Variants in ATP6V1C1 observed in about 807,000 individuals in gnomAD.
ATP6V1C1 encodes the protein ATPase H+ transporting V1 subunit C1, also known as V-type proton ATPase subunit C 1.
In ATP6V1C1, 45 loss-of-function variants were observed where a neutral mutation model predicts 53.9. That is an observed-to-expected ratio of 0.83 (90% CI 0.66 to 1.07). The LOEUF (loss-of-function observed/expected upper bound fraction) is 1.07, where lower values mean the gene tolerates loss of function less well. Ranked by LOEUF, ATP6V1C1 falls within the 50% of genes least tolerant of loss-of-function variation. ATP6V1C1 has a pLI of 0.00. For missense variants in ATP6V1C1, 315 were observed against 440.3 expected (o/e 0.72, Z 2.55); for synonymous variants, 153 against 155.2 (o/e 0.99, Z 0.11).
chr8:103,059,436 T>C (rs568210870), intron 8 of ATP6V1C1, among the ~76,000 whole-genome samples: 2 of 152,280 alleles, frequency 1.3e-5, no homozygotes, highest in South Asian at 4.1e-4. Context: ...CTGTAGTATA[T>C]GGCAGCAACA....
At chr8:103,056,012 G>GT in intron 8 of ATP6V1C1, 76 bp downstream of exon 8, 1 of 1,406,784 alleles carries the variant, frequency 7.1e-7, no homozygotes, top group South Asian at 1.2e-5. Context: ...TAGGAAATAT[G>GT]TTTGCTGTCT....
Position 103,055,889 on chromosome 8 carries a change from T to C in ATP6V1C1, c.594T>C (p.Ile198=). 6.2e-7 allele frequency: 1 copy of C among 1,612,308 alleles called. No homozygotes were observed. Among genetic ancestry groups the C allele is most frequent in the African/African-American group, 1.3e-5 (1 of 74,974 alleles). The change falls in exon 8 of 13, where the codon ATT becomes ATC. Residue 198 remains isoleucine, a synonymous_variant. Transcript: ENST00000518738. ...VVPKLNHNDW[I]KQYETLAEMV... ...GCAGGTTAAACCACAACGACTGGAT[T>C]AAGCAGTATGAAACACTAGCCGAAA...
At chr8:103,034,815 C>T (rs1192682773) in intron 1 of ATP6V1C1, among the ~76,000 whole-genome samples, 19 of 152,124 alleles carry the variant, frequency 1.2e-4, no homozygotes, top group Non-Finnish European at 1.5e-5. Context: ...AGGTGATCTG[C>T]CTGCCTCAGC....
chr8:103,051,642 G>A (rs536561482), intron 5 of ATP6V1C1, among the ~76,000 whole-genome samples: 1 of 152,072 alleles, frequency 6.6e-6, no homozygotes, highest in Non-Finnish European at 1.5e-5. Context: ...TAGTTTCAGG[G>A]AGTACATGGA....
At chr8:103,052,707 T>G (rs1441160140) in intron 5 of ATP6V1C1, 24 bp from the exon 6 acceptor site, 16 of 1,506,134 alleles carry the variant, frequency 1.1e-5, no homozygotes, top group Non-Finnish European at 1.2e-5. Flanking sequence ...TTTTATCTAT[T>G]TTTCTTCTTT....
intron 3 of ATP6V1C1, among the ~76,000 whole-genome samples, chr8:103,044,802 A>G (rs1279696035): frequency 6.6e-6 from 1 of 151,808 alleles, no homozygotes; most frequent in South Asian, 2.1e-4. Context: ...TGTTGAATCT[A>G]TGTATCAGTT....
intron 1 of ATP6V1C1, among the ~76,000 whole-genome samples, chr8:103,026,066 C>T (rs1816689237): frequency 6.6e-6 from 1 of 152,180 alleles, no homozygotes; most frequent in South Asian, 2.1e-4. Context: ...ATTATTTGCC[C>T]ACTGGGTCAC....
chr8:103,026,930 G>A (rs932246506), intron 1 of ATP6V1C1, among the ~76,000 whole-genome samples: 1 of 152,192 alleles, frequency 6.6e-6, no homozygotes, highest in African/African-American at 2.4e-5. Context: ...GTTTAAACAA[G>A]TTGTATTATG....
chr8:103,030,006 T>C (rs572553526), intron 1 of ATP6V1C1, among the ~76,000 whole-genome samples: 1 of 152,326 alleles, frequency 6.6e-6, no homozygotes, highest in East Asian at 1.9e-4. Context: ...AGTGCTGGGA[T>C]TAAAGGTGTG....
In ATP6V1C1 at chr8:103,069,603, A is replaced by T. The variant is rs1300179078; in HGVS notation, c.*856A>T. The stretch of plus-strand genomic sequence containing the variant: ...TTTGTTTTGTCTAAGTCTGTATTTT[A>T]TGTGTTGTCTTCTTAAGATCTATAA... On this transcript the variant is annotated 3_prime_UTR_variant, in exon 13 of 13. Transcript: ENST00000518738. The T allele has an allele frequency of 1.3e-5, 2 of 152,136 alleles. No individual in the cohort carries two copies. Among genetic ancestry groups the T allele is most frequent in the African/African-American group, 4.8e-5 (2 of 41,422 alleles). The allele number at this position is 152,136 out of a possible 1,614,324, so 9.4% of individuals were successfully genotyped here. A position where few individuals can be genotyped will look rare whatever the true frequency, so the allele number is the denominator to read the frequency against.
intron 2 of ATP6V1C1, among the ~76,000 whole-genome samples, chr8:103,041,408 G>T (rs1397676078): frequency 6.6e-6 from 1 of 152,148 alleles, no homozygotes; most frequent in East Asian, 1.9e-4. Flanking sequence ...ATCTATGTAA[G>T]ATTCACTCTT....
intron 3 of ATP6V1C1, among the ~76,000 whole-genome samples, chr8:103,044,037 T>C (rs1817051179): frequency 6.6e-6 from 1 of 152,058 alleles, no homozygotes; most frequent in Non-Finnish European, 1.5e-5. Context: ...TACAGGTCCC[T>C]GCCACAATGC....
At position 103,073,042 on chromosome 8, in the gene ATP6V1C1, T is replaced by G. The variant is rs901214639; in HGVS notation, c.*4295T>G. 1 of 152,254 alleles carries G rather than the reference T, an allele frequency of 6.6e-6. No homozygotes were observed. The highest frequency in any genetic ancestry group is 2.4e-5 in the African/African-American group (1 of 41,476). 9.4% of individuals were successfully genotyped at this position (152,254 alleles called of 1,614,324 possible). On this transcript the variant is annotated 3_prime_UTR_variant, in exon 13 of 13. Transcript: ENST00000518738. ...TACTTGGGGAATTTAATAAAAATGC[T>G]CATTACCAAGCTCCAGAGAGATGTG...
At chr8:103,047,751 A>G (rs935143075) in intron 3 of ATP6V1C1, among the ~76,000 whole-genome samples, 2 of 152,204 alleles carry the variant, frequency 1.3e-5, no homozygotes, top group African/African-American at 4.8e-5. Flanking sequence ...CATGACTCAT[A>G]ATATGCCCCA....
chr8:103,060,707 A>G (rs1163211016), intron 8 of ATP6V1C1, among the ~76,000 whole-genome samples: 5 of 152,210 alleles, frequency 3.3e-5, no homozygotes, highest in Non-Finnish European at 7.3e-5. Flanking sequence ...AAAGAGGGAA[A>G]GCAAGTGGCT....
intron 4 of ATP6V1C1, among the ~76,000 whole-genome samples, chr8:103,049,540 A>G (rs930684897): frequency 6.6e-6 from 1 of 152,088 alleles, no homozygotes; most frequent in African/African-American, 2.4e-5. Context: ...TTCTGACCCC[A>G]TTGTTGTCAT....
chr8:103,040,003 C>G (rs1036227699), intron 1 of ATP6V1C1, among the ~76,000 whole-genome samples: 1 of 152,052 alleles, frequency 6.6e-6, no homozygotes, highest in African/African-American at 2.4e-5. Context: ...GAATTAACCA[C>G]CAAATTTACT....
chr8:103,028,815 G>T (rs990627325), intron 1 of ATP6V1C1, among the ~76,000 whole-genome samples: 3 of 152,142 alleles, frequency 2.0e-5, no homozygotes, highest in African/African-American at 7.2e-5. Flanking sequence ...TAAAAGGGCC[G>T]TTTACCAACT....
At chr8:103,027,976 C>G (rs1816727887) in intron 1 of ATP6V1C1, among the ~76,000 whole-genome samples, 1 of 152,036 alleles carries the variant, frequency 6.6e-6, no homozygotes, top group Non-Finnish European at 1.5e-5. Flanking sequence ...GTTTTGGGAA[C>G]TTAAGTACCC....
Sources: allele counts gnomAD v4.1 joint callset (sites outside exome capture counted in the v4.1 genomes callset), GRCh38; gene constraint gnomAD v4.1.1; transcripts MANE v1.5; gene names NCBI Gene and HGNC (gene_info 2026-07-23, HGNC 2026-07-21).